DSE: variants seen among roughly 807,000 people sequenced by gnomAD.
The protein encoded by DSE is dermatan-sulfate epimerase.
In DSE, 36 loss-of-function variants were observed where a neutral mutation model predicts 84.4. The observed-to-expected ratio is 0.43, with a 90% CI of 0.33 to 0.56. DSE has a LOEUF of 0.56. DSE is among the 20% of genes least tolerant of loss of function. DSE has a pLI of 0.06. For missense variants in DSE, 862 were observed against 1,169.6 expected (o/e 0.74, Z 3.84); for synonymous variants, 410 against 430.1 (o/e 0.95, Z 0.58).
At chr6:116,427,936 C>G (rs1783555554) in intron 3 of DSE, among the ~76,000 whole-genome samples, 1 of 152,186 alleles carries the variant, frequency 6.6e-6, no homozygotes, top group Admixed American at 6.5e-5. Flanking sequence ...CACCTGTAAT[C>G]CCAGCACTTT....
intron 2 of DSE, among the ~76,000 whole-genome samples, chr6:116,289,994 T>C (rs1430140105): frequency 6.6e-6 from 1 of 152,174 alleles, no homozygotes; most frequent in Admixed American, 6.5e-5. Flanking sequence ...CTGTGTTAAA[T>C]GCTTTTCATA....
intron 2 of DSE, among the ~76,000 whole-genome samples, chr6:116,282,924 T>C (rs1044970200): frequency 6.6e-6 from 1 of 152,210 alleles, no homozygotes; most frequent in Non-Finnish European, 1.5e-5. Context: ...AGGGAGTTAT[T>C]TTGCCATACA....
At chr6:116,373,057 TAAA>T (rs35753373) in intron 1 of DSE, among the ~76,000 whole-genome samples, 10 of 145,448 alleles carry the variant, frequency 6.9e-5, no homozygotes, top group Admixed American at 6.8e-5. Context: ...GAAGGGGAAT[TAAA>T]AAAAAAAAAA....
At chr6:116,395,852 A>G (rs941784450) in intron 1 of DSE, among the ~76,000 whole-genome samples, 1 of 152,142 alleles carries the variant, frequency 6.6e-6, no homozygotes, top group African/African-American at 2.4e-5. Flanking sequence ...TTTCAGTGAA[A>G]TTTTCTAGAC....
Position 116,436,519 on chromosome 6 carries a change from A to T in DSE, c.2051A>T (p.Asp684Val). Reference sequence around the variant, plus strand: ...GTCCACGGAGACTCTCAGCAACTGGATGTGTTCATAGCCACCAGCAAACAT... The same window carrying T: ...GTCCACGGAGACTCTCAGCAACTGGTTGTGTTCATAGCCACCAGCAAACAT... ...FTVHGDSQQL[D>V]VFIATSKHAY... Residue 684 changes from aspartate (D) to valine (V), a missense_variant, in exon 6 of 6, where the codon GAT becomes GTT. This residue lies in a region of DSE where 315 missense variants were observed against 348.1 expected (regional missense o/e 0.90). Coordinates refer to ENST00000644252, the MANE Select transcript of DSE (RefSeq NM_013352.4). 6.2e-7 allele frequency: 1 copy of T among 1,614,142 alleles called. No individual in the cohort carries two copies. Among genetic ancestry groups the T allele is most frequent in the Non-Finnish European group, 8.5e-7 (1 of 1,180,004 alleles).
Position 116,258,839 on chromosome 6 carries a change from C to T in DSE, c.-182C>T, listed in dbSNP as rs747729945. On this transcript the variant is annotated 5_prime_UTR_variant, in exon 2 of 4. Transcript: ENST00000430252. ...TGTATGACCTCGAAGGCATGCTTGA[C>T]GATGCACACAGTCATGAGCTTCTTG... The T allele has an allele frequency of 6.8e-6, 11 of 1,608,296 alleles. No homozygotes were observed. The East Asian group carries it at 8.9e-5, about 13-fold the overall frequency.
chr6:116,260,225 C>G (rs1328687147), intron 2 of DSE, among the ~76,000 whole-genome samples: 1 of 152,112 alleles, frequency 6.6e-6, no homozygotes, highest in Non-Finnish European at 1.5e-5. Context: ...TTGCATTTCT[C>G]TAATAATCAG....
intron 2 of DSE, among the ~76,000 whole-genome samples, chr6:116,281,850 A>G (rs1327099539): frequency 5.3e-5 from 8 of 152,372 alleles, no homozygotes; most frequent in South Asian, 2.1e-4. Context: ...TCTCCTTCCT[A>G]TCTGCCACTG....
At position 116,437,339 on chromosome 6, in the gene DSE, G is replaced by C; in HGVS notation, c.2871G>C (p.Gln957His). 1 of 1,597,642 alleles carries C rather than the reference G, an allele frequency of 6.3e-7. No homozygotes were observed. Among genetic ancestry groups the C allele is most frequent in the Non-Finnish European group, 8.5e-7 (1 of 1,172,338 alleles). Residue 957 changes from glutamine to histidine, a missense_variant, in exon 6 of 6, where the codon CAG becomes CAC. Physicochemically the swap from Gln to His is conservative, Grantham distance 24. This residue lies in a region of DSE where 315 missense variants were observed against 348.1 expected (regional missense o/e 0.90). Coordinates refer to ENST00000644252, the MANE Select transcript of DSE (RefSeq NM_013352.4). ...LWLYSSCSQSQC is the reference protein window; with the variant it reads ...LWLYSSCSQSHC ...TGTACTCTTCTTGTTCCCAATCACA[G>C]TGTTAGCACTGAAGCTATAAATTAC... is the stretch of plus-strand genomic sequence containing the variant.
In DSE at chr6:116,375,483, G is replaced by A. The variant is rs1051236639; in HGVS notation, c.-54+4362G>A. ...CACACCACTGCACTCCAGCCTGGGC[G>A]ACAGAGCAAGATCCTGCCTCAAAGT... On this transcript the variant is annotated intron_variant, in intron 1 of 5. Coordinates refer to ENST00000644252, the MANE Select transcript of DSE (RefSeq NM_013352.4). The A allele has an allele frequency of 1.2e-5, 12 of 973,796 alleles. No individual in the cohort carries two copies. In the East Asian group the frequency reaches 6.8e-4, roughly 56 times the overall value. 60.3% of individuals were successfully genotyped at this position (973,796 alleles called of 1,614,324 possible).
intron 2 of DSE, among the ~76,000 whole-genome samples, chr6:116,263,139 A>G (rs60050851): frequency 0.013 from 1,922 of 152,266 alleles, 45 homozygotes; most frequent in African/African-American, 0.044. Flanking sequence ...CATTTGATTC[A>G]GTGCTGAGTT....
intron 1 of DSE, among the ~76,000 whole-genome samples, chr6:116,381,087 G>C (rs1780193866): frequency 6.6e-6 from 1 of 152,072 alleles, no homozygotes. Flanking sequence ...TTCATGGCTG[G>C]CACCGTCCCT....
chr6:116,375,429 A>G, intron 1 of DSE: 1 of 537,798 alleles, frequency 1.9e-6, no homozygotes, highest in Non-Finnish European at 2.4e-6. Flanking sequence ...ACTTGAGCCC[A>G]GGAGTTCGAG....
At position 116,371,027 on chromosome 6, in the gene DSE, CG is replaced by C; in HGVS notation, c.-145del. The C allele has an allele frequency of 6.1e-6, 6 of 985,712 alleles. No individual in the cohort carries two copies. The highest frequency in any genetic ancestry group is 7.2e-6 in the Non-Finnish European group (6 of 830,226). The allele number at this position is 985,712 out of a possible 1,614,324, so 61.1% of individuals were successfully genotyped here. ...GCGGAGGGCTCGGTTCGGAGGGGGC[CG>C]GGAGCCCGGGCGCCCTGGAGTGAGG... is the stretch of plus-strand genomic sequence containing the variant. On this transcript the variant is annotated 5_prime_UTR_variant, in exon 1 of 6. It removes the in-frame stop codon of an upstream open reading frame in the 5' UTR. Coordinates refer to ENST00000644252, the MANE Select transcript of DSE (RefSeq NM_013352.4).
At chr6:116,312,889 G>A (rs1775772915) in intron 2 of DSE, among the ~76,000 whole-genome samples, 1 of 152,148 alleles carries the variant, frequency 6.6e-6, no homozygotes, top group Non-Finnish European at 1.5e-5. Flanking sequence ...ATTTGGGATG[G>A]TGATAACTAC....
intron 1 of DSE, among the ~76,000 whole-genome samples, chr6:116,379,758 T>C (rs1780115943): frequency 6.6e-6 from 1 of 152,174 alleles, no homozygotes; most frequent in African/African-American, 2.4e-5. Context: ...CTGTGTAAAA[T>C]TTAAATTAAG....
Position 116,436,512 on chromosome 6 carries a change from C to T in DSE, c.2044C>T (p.Gln682Ter). ...QSFTVHGDSQ[Q>*]LDVFIATSKH... Reference sequence around the variant, plus strand: ...CTTCACTGTCCACGGAGACTCTCAGCAACTGGATGTGTTCATAGCCACCAG... The same window carrying T: ...CTTCACTGTCCACGGAGACTCTCAGTAACTGGATGTGTTCATAGCCACCAG... The change falls in exon 6 of 6, where the codon CAA becomes TAA. Residue 682 changes from glutamine to a stop codon, truncating the protein, a stop_gained. Coordinates refer to ENST00000644252, the MANE Select transcript of DSE (RefSeq NM_013352.4). LOFTEE classifies it high-confidence loss of function. 1 of 1,614,184 alleles carries T rather than the reference C, an allele frequency of 6.2e-7. No homozygotes were observed. The highest frequency in any genetic ancestry group is 8.5e-7 in the Non-Finnish European group (1 of 1,180,008).
intron 1 of DSE, among the ~76,000 whole-genome samples, chr6:116,387,823 T>C (rs1015929031): frequency 6.6e-6 from 1 of 152,092 alleles, no homozygotes; most frequent in African/African-American, 2.4e-5. Flanking sequence ...ATAAGAAGGA[T>C]TTTCCACAGA....
intron 2 of DSE, among the ~76,000 whole-genome samples, chr6:116,365,157 AAAC>A (rs898232552): frequency 2.2e-4 from 33 of 151,542 alleles, no homozygotes; most frequent in African/African-American, 7.3e-4. Flanking sequence ...ACACTCTATA[AAAC>A]AGTGGTTCCA....
Sources: allele counts gnomAD v4.1 joint callset (sites outside exome capture counted in the v4.1 genomes callset), GRCh38; gene constraint gnomAD v4.1.1; regional missense constraint gnomAD v4.1.1; transcripts MANE v1.5; gene names NCBI Gene and HGNC (gene_info 2026-07-23, HGNC 2026-07-21).